Variants in MOV10 observed in about 807,000 individuals in gnomAD.
The protein encoded by MOV10 is Mov10 RNA helicase, also known as RNA helicase MOV-10.
A neutral mutation model predicts 108.4 loss-of-function variants in MOV10; 39 were observed. The ratio of observed to expected loss-of-function variants is 0.36; its 90% CI spans 0.28 to 0.47. The LOEUF (loss-of-function observed/expected upper bound fraction) is 0.47. MOV10 is among the 20% of genes least tolerant of loss of function. The probability of loss-of-function intolerance (pLI) is 1.00; values close to 1 mark genes in which losing one functional copy is unlikely to be tolerated. For missense variants in MOV10, 952 were observed against 1,297.6 expected (o/e 0.73, Z 4.09); for synonymous variants, 490 against 523.1 (o/e 0.94, Z 0.86).
In MOV10 at chr1:112,675,683, G is replaced by T. The variant is rs1672150366; in HGVS notation, c.137+634G>T. On this transcript the variant is annotated intron_variant, in intron 2 of 20. Coordinates refer to ENST00000369645, the MANE Select transcript of MOV10 (RefSeq NM_001321324.2). The surrounding 1 kb of genome is among the most constrained non-coding windows in gnomAD (Gnocchi z 4.7). ...CAGGGGCAGAGCCAGCCTTCTGGAGGCTCCCTTTCACCCTGTGGCTGAAGG... is the reference window on the plus strand; with the variant it reads ...CAGGGGCAGAGCCAGCCTTCTGGAGTCTCCCTTTCACCCTGTGGCTGAAGG... 6.6e-6 allele frequency among the ~76,000 whole-genome samples: 1 copy of T among 152,228 alleles called. No homozygotes were observed. Among genetic ancestry groups the T allele is most frequent in the Non-Finnish European group, 1.5e-5 (1 of 68,038 alleles).
chr1:112,689,401 C>T lies in MOV10; in HGVS notation c.342-14C>T. 2 of 1,077,576 alleles carry T rather than the reference C, an allele frequency of 1.9e-6. No homozygotes were observed. The highest frequency in any genetic ancestry group is 1.4e-6 in the Non-Finnish European group (1 of 729,096). 66.8% of individuals were successfully genotyped at this position (1,077,576 alleles called of 1,614,324 possible). A position where few individuals can be genotyped will look rare whatever the true frequency, so the allele number is the denominator to read the frequency against. On this transcript the variant is annotated splice_polypyrimidine_tract_variant and intron_variant, in intron 3 of 20. Transcript: ENST00000369645. ...CTCCCACCCCAACCCCCCCTTGACTCCCCTTCTCCCCAGGGCTGAGTATCT... is the reference window on the plus strand; with the variant it reads ...CTCCCACCCCAACCCCCCCTTGACTTCCCTTCTCCCCAGGGCTGAGTATCT...
chr1:112,699,413 GCT>G, intron 17 of MOV10: 2 of 1,251,302 alleles, frequency 1.6e-6, no homozygotes, highest in Non-Finnish European at 2.0e-6. Context: ...GAAAGTCACT[GCT>G]CTGAGTTCCC....
At chr1:112,679,691 T>G (rs1228923094) in intron 2 of MOV10, among the ~76,000 whole-genome samples, 1 of 151,952 alleles carries the variant, frequency 6.6e-6, no homozygotes, top group Non-Finnish European at 1.5e-5. Context: ...AGAAGAAATA[T>G]AAATGACTAA....
chr1:112,700,107 C>A, intron 19 of MOV10, 112 bp from the exon 20 acceptor site: 1 of 1,588,428 alleles, frequency 6.3e-7, no homozygotes, highest in Non-Finnish European at 8.6e-7. Context: ...CACAGCATCA[C>A]TATTGTATTT....
intron 2 of MOV10, among the ~76,000 whole-genome samples, chr1:112,678,249 A>G (rs1197628454): frequency 6.6e-6 from 1 of 152,084 alleles, no homozygotes; most frequent in East Asian, 1.9e-4. Flanking sequence ...ACCCCTCATT[A>G]GTGCGATGAT....
rs1673384681 is a variant in MOV10, at chr1:112,689,530, C to G, written c.457C>G (p.Leu153Val). 3 of 1,614,210 alleles carry G rather than the reference C, an allele frequency of 1.9e-6. No individual in the cohort carries two copies. Among genetic ancestry groups the G allele is most frequent in the Non-Finnish European group, 2.5e-6 (3 of 1,180,034 alleles). ...LDLNRKEVLT[L>V]RLRNGGTQSV... is the part of the protein sequence containing the mutation. ...TTTGAACCGCAAAGAGGTGCTGACC[C>G]TGAGGCTTCGGAATGGCGGAACCCA... Residue 153 changes from leucine to valine, a missense_variant, in exon 4 of 21, where the codon CTG (leucine) becomes GTG (valine). Leu to Val is a conservative substitution (Grantham distance 32). This residue lies in a region of MOV10 where 374 missense variants were observed against 468.6 expected (regional missense o/e 0.80). Transcript: ENST00000369645.
intron 14 of MOV10, 182 bp from the exon 15 acceptor site, chr1:112,697,812 T>C (rs554391179): frequency 2.1e-4 from 133 of 645,930 alleles, no homozygotes; most frequent in Non-Finnish European, 3.3e-4. Context: ...GAACTATATT[T>C]GGTTCTGCTT....
chr1:112,675,132 C>A lies in MOV10; in HGVS notation c.137+83C>A. On this transcript the variant is annotated intron_variant, in intron 2 of 20. Coordinates refer to ENST00000369645, the MANE Select transcript of MOV10 (RefSeq NM_001321324.2). The surrounding 1 kb of genome is among the most constrained non-coding windows in gnomAD (Gnocchi z 4.7). ...CCGCGCGAGGGCCACCTTTCCCGCC[C>A]CGGGGCGCAGAGGGACGCAGCTCCC... 6.6e-7 allele frequency: 1 copy of A among 1,521,928 alleles called. No homozygotes were observed. The highest frequency in any genetic ancestry group is 8.9e-7 in the Non-Finnish European group (1 of 1,129,318). 94.3% of individuals were successfully genotyped at this position (1,521,928 alleles called of 1,614,324 possible). A position where few individuals can be genotyped will look rare whatever the true frequency, so the allele number is the denominator to read the frequency against.
At position 112,675,241 on chromosome 1, in the gene MOV10, G is replaced by C. The variant is rs1345630907; in HGVS notation, c.137+192G>C. On this transcript the variant is annotated intron_variant, in intron 2 of 20. Transcript: ENST00000369645. This position sits in a 1 kb window ranked among gnomAD's most constrained non-coding sequence, Gnocchi z 4.7. The stretch of plus-strand genomic sequence containing the variant: ...GCCCCACCAGCGCCGCCCGGAGCCC[G>C]CCAGTTCTGCCCGAGCTGGGCCCCT... Among the ~76,000 whole-genome samples, 3 of 151,958 alleles carry C rather than the reference G, an allele frequency of 2.0e-5. No individual in the cohort carries two copies. The highest frequency in any genetic ancestry group is 7.2e-5 in the African/African-American group (3 of 41,424).
intron 2 of MOV10, chr1:112,688,535 TC>T: frequency 9.1e-7 from 1 of 1,095,266 alleles, no homozygotes; most frequent in East Asian, 6.8e-5. Flanking sequence ...TCATTCCGCT[TC>T]CCCTTAGCCT....
intron 5 of MOV10, 77 bp from the exon 6 acceptor site, chr1:112,691,588 G>T: frequency 6.5e-7 from 1 of 1,539,750 alleles, no homozygotes; most frequent in Non-Finnish European, 8.8e-7. Flanking sequence ...AGGGCTTTGT[G>T]CATCCACCCC....
chr1:112,699,870 GACC>G, intron 18 of MOV10, 21 bp from the exon 19 acceptor site: 2 of 1,614,102 alleles, frequency 1.2e-6, no homozygotes, highest in Non-Finnish European at 1.7e-6. Flanking sequence ...TCCCTCCCAT[GACC>G]ACACCACTTC....
At position 112,694,567 on chromosome 1, in the gene MOV10, G is replaced by C; in HGVS notation, c.1410G>C (p.Trp470Cys). 6.2e-7 allele frequency: 1 copy of C among 1,613,836 alleles called. No homozygotes were observed. Among genetic ancestry groups the C allele is most frequent in the Non-Finnish European group, 8.5e-7 (1 of 1,179,840 alleles). Residue 470 changes from tryptophan to cysteine, a missense_variant, in exon 9 of 21, where the codon TGG becomes TGC. By Grantham distance (215) the Trp-to-Cys change is radical (BLOSUM62 -2). Transcript: ENST00000369645. This position sits in a 1 kb window ranked among gnomAD's most constrained non-coding sequence, Gnocchi z 4.1. ...ALELTGRWLL[W>C]PMLFPVAPRD... Reference sequence around the variant, plus strand: ...AGCTGACAGGGCGCTGGCTGCTGTGGCCCATGCTCTTTCCTGTGGCACCTC... The same window carrying C: ...AGCTGACAGGGCGCTGGCTGCTGTGCCCCATGCTCTTTCCTGTGGCACCTC...
intron 5 of MOV10, among the ~76,000 whole-genome samples, chr1:112,690,516 C>T (rs1673487783): frequency 6.6e-6 from 1 of 152,084 alleles, no homozygotes; most frequent in African/African-American, 2.4e-5. Flanking sequence ...CCCACTACAA[C>T]ACCCGGCTAA....
chr1:112,688,222 A>T, intron 2 of MOV10: 1 of 339,468 alleles, frequency 2.9e-6, no homozygotes, highest in Non-Finnish European at 4.2e-6. Context: ...CTGGCACATA[A>T]CAGGCCTCCG....
At chr1:112,683,482 T>TA (rs1012714441) in intron 2 of MOV10, among the ~76,000 whole-genome samples, 1 of 152,220 alleles carries the variant, frequency 6.6e-6, no homozygotes, top group African/African-American at 2.4e-5. Context: ...TGTGGCAGAC[T>TA]GCAGCCTCAA....
At position 112,698,021 on chromosome 1, in the gene MOV10, T is replaced by G; in HGVS notation, c.2226T>G (p.Pro742=). Residue 742 remains proline (P), a synonymous_variant, in exon 15 of 21, where the codon CCT becomes CCG. Transcript: ENST00000369645. ...YRSHPTILDI[P]NQLYYEGELQ... Reference sequence around the variant, plus strand: ...CTCATCCCACCATCCTGGACATTCCTAACCAGCTCTATTATGAAGGGGAGC... The same window carrying G: ...CTCATCCCACCATCCTGGACATTCCGAACCAGCTCTATTATGAAGGGGAGC... The G allele has an allele frequency of 6.2e-7, 1 of 1,614,190 alleles. No homozygotes were observed. Among genetic ancestry groups the G allele is most frequent in the Non-Finnish European group, 8.5e-7 (1 of 1,180,010 alleles).
intron 2 of MOV10, among the ~76,000 whole-genome samples, chr1:112,685,776 A>T (rs1318934135): frequency 6.6e-6 from 1 of 152,162 alleles, no homozygotes; most frequent in African/African-American, 2.4e-5. Flanking sequence ...GTGATTTTTT[A>T]AAAATAATTT....
rs184131948 is a variant in MOV10 at position 112,699,783 on chromosome 1, T to C, written c.2682T>C (p.Phe894=). The C allele has an allele frequency of 1.7e-5, 27 of 1,614,240 alleles. No individual in the cohort carries two copies. In the Admixed American group the frequency reaches 4.2e-4, roughly 25 times the overall value. The part of the protein sequence containing the change: ...SQSFVQLDLD[F]NLGFLKNPKR... ...GCTTTGTGCAGCTGGATCTGGACTTTAATCTGGGTTTCCTTAAGAACCCCA... is the reference window on the plus strand; with the variant it reads ...GCTTTGTGCAGCTGGATCTGGACTTCAATCTGGGTTTCCTTAAGAACCCCA... Residue 894 remains phenylalanine (F), a synonymous_variant, in exon 18 of 21, where the codon TTT becomes TTC. Transcript: ENST00000369645.
Sources: allele counts gnomAD v4.1 joint callset (sites outside exome capture counted in the v4.1 genomes callset), GRCh38; gene constraint gnomAD v4.1.1; regional missense constraint gnomAD v4.1.1; non-coding constraint Gnocchi (gnomAD v3.1); transcripts MANE v1.5; gene names NCBI Gene and HGNC (gene_info 2026-07-23, HGNC 2026-07-21).